ICA1L: variants seen among roughly 807,000 people sequenced by gnomAD.
ICA1L encodes islet cell autoantigen 1-like protein.
Under a neutral mutation model 61.3 loss-of-function variants are expected in ICA1L, and 50 were observed. The observed-to-expected ratio is 0.82, with a 90% CI of 0.65 to 1.03. The LOEUF is 1.03. Among genes scored for constraint, ICA1L ranks in the 50% least tolerant of loss-of-function variants. The probability of loss-of-function intolerance (pLI) is 0.00; values close to 1 mark genes in which losing one functional copy is unlikely to be tolerated. For synonymous variants in ICA1L, 161 were observed against 191.3 expected, an observed-to-expected ratio of 0.84 and a Z score of 1.31; for missense variants, 508 against 556.7, an observed-to-expected ratio of 0.91 and a Z score of 0.88.
chr2:202,795,930 C>T (rs1461215225), intron 10 of ICA1L, among the ~76,000 whole-genome samples: 2 of 151,842 alleles, frequency 1.3e-5, no homozygotes, highest in East Asian at 1.9e-4. Context: ...GTAATCCCGG[C>T]TATTTGGGAG....
At chr2:202,818,344 T>C (rs1693597694) in intron 5 of ICA1L, among the ~76,000 whole-genome samples, 1 of 151,996 alleles carries the variant, frequency 6.6e-6, no homozygotes, top group East Asian at 1.9e-4. Context: ...AGGACAAAGG[T>C]CCTGAGAGTG....
intron 1 of ICA1L, among the ~76,000 whole-genome samples, chr2:202,851,855 G>T (rs571987058): frequency 2.4e-4 from 37 of 152,038 alleles, no homozygotes; most frequent in Middle Eastern, 3.4e-3. Flanking sequence ...TTGTGATGGG[G>T]TTTTTTTTCC....
intron 5 of ICA1L, among the ~76,000 whole-genome samples, chr2:202,818,594 T>C (rs577447720): frequency 6.6e-6 from 1 of 152,282 alleles, no homozygotes; most frequent in South Asian, 2.1e-4. Flanking sequence ...GAGAGATAAC[T>C]GAATCATGGG....
rs769500948 is a variant in ICA1L at position 202,869,478 on chromosome 2, GTATAAAA to G, written c.-8+2134_-8+2140del. 15 of 152,290 alleles carry G rather than the reference GTATAAAA, an allele frequency of 9.8e-5. No homozygotes were observed. In the East Asian group the frequency reaches 1.7e-3, roughly 18 times the overall value. 9.4% of individuals were successfully genotyped at this position (152,290 alleles called of 1,614,324 possible). ...TAAAAACACATGCAATAATAGACAT[GTATAAAA>G]TATAATTTAAAAAACACAAAACACA... On this transcript the variant is annotated intron_variant, in intron 1 of 12. Coordinates refer to ENST00000358299, the MANE Select transcript of ICA1L (RefSeq NM_001288622.3).
intron 9 of ICA1L, among the ~76,000 whole-genome samples, chr2:202,805,984 C>T (rs999485231): frequency 6.6e-5 from 10 of 152,192 alleles, no homozygotes; most frequent in East Asian, 5.8e-4. Flanking sequence ...ATGATTACAA[C>T]GGTCTCTTAC....
chr2:202,809,385 C>T (rs181596002), intron 9 of ICA1L, among the ~76,000 whole-genome samples: 3 of 152,026 alleles, frequency 2.0e-5, no homozygotes, highest in Admixed American at 6.5e-5. Flanking sequence ...TGCAGTACCC[C>T]ACGCCTGTAA....
chr2:202,837,385 G>A lies in ICA1L; in HGVS notation c.-7-8369C>T, dbSNP rs563168025. 3.9e-4 allele frequency among the ~76,000 whole-genome samples: 60 copies of A among 151,956 alleles called. 3 individuals are homozygous for A. In the South Asian group the frequency reaches 0.012, roughly 30 times the overall value. On this transcript the variant is annotated intron_variant, in intron 1 of 12. Coordinates refer to ENST00000358299, the MANE Select transcript of ICA1L (RefSeq NM_001288622.3). ...TGCAAGCTCCACCTCCCGGGTTCAC[G>A]CCATTCTCCTGCCTCAGCCTCCTGA...
rs569085579 is a variant in ICA1L, at chr2:202,841,140, AG to A, written c.-7-12125del. On this transcript the variant is annotated intron_variant, in intron 1 of 12. Coordinates refer to ENST00000358299, the MANE Select transcript of ICA1L (RefSeq NM_001288622.3). ...GTTGATCTCTTCAGTCAGCCCTTCC[AG>A]GCAAGACTCTAGCTCTACCTTGTTC... 6.5e-5 allele frequency: 42 copies of A among 643,212 alleles called. No individual in the cohort carries two copies. In the African/African-American group the frequency reaches 7.0e-4, roughly 11 times the overall value. The allele number at this position is 643,212 out of a possible 1,614,324, so 39.8% of individuals were successfully genotyped here.
At chr2:202,798,813 TA>T (rs1387489063) in intron 9 of ICA1L, among the ~76,000 whole-genome samples, 1 of 152,212 alleles carries the variant, frequency 6.6e-6, no homozygotes, top group Non-Finnish European at 1.5e-5. Flanking sequence ...TCTATTTTTC[TA>T]CTCTCTACCT....
chr2:202,820,093 G>T, intron 4 of ICA1L, 194 bp from the exon 5 acceptor site: 3 of 568,584 alleles, frequency 5.3e-6, no homozygotes, highest in Non-Finnish European at 9.3e-6. Context: ...AGATGTGTTG[G>T]CCGGGCGCGG....
intron 1 of ICA1L, among the ~76,000 whole-genome samples, chr2:202,829,588 G>A (rs1174144214): frequency 2.0e-5 from 3 of 152,054 alleles, no homozygotes; most frequent in East Asian, 1.9e-4. Flanking sequence ...TTACAGGTGC[G>A]AACTACCACA....
chr2:202,809,683 G>T (rs927559755), intron 9 of ICA1L, among the ~76,000 whole-genome samples: 44 of 152,062 alleles, frequency 2.9e-4, no homozygotes, highest in African/African-American at 1.1e-3. Flanking sequence ...CGTGGTGGCA[G>T]ACGCCTGAGG....
intron 1 of ICA1L, among the ~76,000 whole-genome samples, chr2:202,855,114 C>A (rs1694734103): frequency 6.6e-6 from 1 of 152,162 alleles, no homozygotes; most frequent in African/African-American, 2.4e-5. Context: ...AACAAAGACA[C>A]AACGTACCAG....
At chr2:202,835,759 A>G (rs1694132223) in intron 1 of ICA1L, among the ~76,000 whole-genome samples, 1 of 151,814 alleles carries the variant, frequency 6.6e-6, no homozygotes, top group Non-Finnish European at 1.5e-5. Flanking sequence ...TATGTTGTCC[A>G]GGCTGGTCTC....
chr2:202,857,044 T>G (rs1433601679), intron 1 of ICA1L, among the ~76,000 whole-genome samples: 2 of 152,254 alleles, frequency 1.3e-5, no homozygotes, highest in Admixed American at 1.3e-4. Flanking sequence ...ATCATGAAAA[T>G]GGCTATAGTG....
chr2:202,851,970 C>G (rs866870514), intron 1 of ICA1L, among the ~76,000 whole-genome samples: 34 of 152,056 alleles, frequency 2.2e-4, no homozygotes, highest in Non-Finnish European at 4.6e-4. Flanking sequence ...TGTTCATTCT[C>G]ATGGTAGTTT....
chr2:202,805,832 A>G (rs1235872690), intron 9 of ICA1L, among the ~76,000 whole-genome samples: 2 of 152,180 alleles, frequency 1.3e-5, no homozygotes, highest in Non-Finnish European at 2.9e-5. Flanking sequence ...GCATGAATAG[A>G]TGTTGAGACT....
At chr2:202,835,436 C>T (rs944278854) in intron 1 of ICA1L, among the ~76,000 whole-genome samples, 2 of 151,192 alleles carry the variant, frequency 1.3e-5, no homozygotes, top group Non-Finnish European at 2.9e-5. Context: ...AAACTCTTGA[C>T]CTCAAGTGAT....
At chr2:202,862,423 G>A (rs1694947193) in intron 1 of ICA1L, among the ~76,000 whole-genome samples, 1 of 151,824 alleles carries the variant, frequency 6.6e-6, no homozygotes, top group South Asian at 2.1e-4. Flanking sequence ...ATGCCACCGT[G>A]CTCCAGGCTG....
Sources: gnomAD v4.1 joint callset for allele counts (sites outside exome capture counted in the v4.1 genomes callset) on GRCh38, gnomAD v4.1.1 for gene constraint, MANE v1.5 for transcripts, NCBI Gene and HGNC (gene_info 2026-07-23, HGNC 2026-07-21) for gene names.